The following ARHGAP15 variants were observed in gnomAD, a reference collection of about 807,000 sequenced individuals.
The protein encoded by ARHGAP15 is rho GTPase-activating protein 15.
A neutral mutation model predicts 63.7 loss-of-function variants in ARHGAP15; 51 were observed. The ratio of observed to expected loss-of-function variants is 0.80; its 90% CI spans 0.64 to 1.01. The LOEUF (loss-of-function observed/expected upper bound fraction) is 1.01, where lower values mean the gene tolerates loss of function less well. Ranked by LOEUF, ARHGAP15 falls within the 50% of genes least tolerant of loss-of-function variation. The probability of loss-of-function intolerance (pLI) is 0.00; values close to 1 mark genes in which losing one functional copy is unlikely to be tolerated. For missense variants in ARHGAP15, 560 were observed against 564.6 expected (o/e 0.99, Z 0.08); for synonymous variants, 191 against 193.8 (o/e 0.99, Z 0.12).
chr2:143,394,684 A>C (rs965223079), intron 6 of ARHGAP15, among the ~76,000 whole-genome samples: 1 of 152,162 alleles, frequency 6.6e-6, no homozygotes, highest in Non-Finnish European at 1.5e-5. Context: ...TCTTTTTTTA[A>C]ATCCTAGTTG....
chr2:143,250,363 T>G (rs1273689106), intron 5 of ARHGAP15, 148 bp from the exon 6 acceptor site: 8 of 484,170 alleles, frequency 1.7e-5, no homozygotes, highest in Non-Finnish European at 2.9e-5. Flanking sequence ...CAAATGAAAA[T>G]TCCTACAAAT....
At position 143,231,016 on chromosome 2, in the gene ARHGAP15, G is replaced by A. The variant is rs114647768; in HGVS notation, c.384+2348G>A. ...AGTGTTAATGCAGCAGTGAGACAAG[G>A]CAACAAAACCAGCCAGAGCAGTTTT... On this transcript the variant is annotated intron_variant, in intron 5 of 13. Transcript: ENST00000295095. Among the ~76,000 whole-genome samples, 550 of 151,008 alleles carry A rather than the reference G, an allele frequency of 3.6e-3. 5 individuals are homozygous for A. The highest frequency in any genetic ancestry group is 0.013 in the African/African-American group (523 of 41,094).
intron 13 of ARHGAP15, among the ~76,000 whole-genome samples, chr2:143,715,164 T>G (rs1025809285): frequency 6.6e-6 from 1 of 152,238 alleles, no homozygotes; most frequent in South Asian, 2.1e-4. Flanking sequence ...AAAAGGTACT[T>G]CTTACATTGT....
chr2:143,410,914 T>A (rs1178650985), intron 6 of ARHGAP15, among the ~76,000 whole-genome samples: 1 of 151,292 alleles, frequency 6.6e-6, no homozygotes, highest in Admixed American at 6.6e-5. Flanking sequence ...AACGAAAATA[T>A]CGTAGGAGGC....
rs1324396493 is a variant in ARHGAP15 at position 143,718,361 on chromosome 2, C to T, written c.1244+14837C>T. Among the ~76,000 whole-genome samples, 7 of 152,088 alleles carry T rather than the reference C, an allele frequency of 4.6e-5. No individual in the cohort carries two copies. The East Asian group carries it at 1.2e-3, about 25-fold the overall frequency. ...AGGTTAGGGGCTGTCTTGGTCAGGC[C>T]ATTGGGAAAAATCTTTTTTGGAAGT... On this transcript the variant is annotated intron_variant, in intron 13 of 13. Transcript: ENST00000295095.
At chr2:143,493,313 G>GA (rs1404776977) in intron 9 of ARHGAP15, among the ~76,000 whole-genome samples, 12 of 152,066 alleles carry the variant, frequency 7.9e-5, no homozygotes, top group South Asian at 4.2e-4. Context: ...ACTAAATGGT[G>GA]AAAAAAACAA....
chr2:143,277,640 TGC>T (rs1681626554), intron 6 of ARHGAP15, among the ~76,000 whole-genome samples: 1 of 151,968 alleles, frequency 6.6e-6, no homozygotes, highest in Non-Finnish European at 1.5e-5. Context: ...ACCTACATGG[TGC>T]AATGGGGTCA....
At chr2:143,304,272 C>T (rs1683062737) in intron 6 of ARHGAP15, among the ~76,000 whole-genome samples, 1 of 152,038 alleles carries the variant, frequency 6.6e-6, no homozygotes, top group African/African-American at 2.4e-5. Flanking sequence ...TACTATGCAG[C>T]CATAAAAAAG....
chr2:143,134,740 G>T (rs1455627706), intron 1 of ARHGAP15, among the ~76,000 whole-genome samples: 4 of 150,408 alleles, frequency 2.7e-5, no homozygotes, highest in East Asian at 2.0e-4. Context: ...GTTCATGCCA[G>T]TCTCCTGCCT....
chr2:143,403,061 T>C (rs1041926533), intron 6 of ARHGAP15, among the ~76,000 whole-genome samples: 1 of 151,908 alleles, frequency 6.6e-6, no homozygotes, highest in Admixed American at 6.6e-5. Flanking sequence ...GCTATACAAG[T>C]ATAGCTATGT....
intron 13 of ARHGAP15, among the ~76,000 whole-genome samples, chr2:143,737,788 C>G (rs1685807911): frequency 6.6e-6 from 1 of 151,574 alleles, no homozygotes; most frequent in Non-Finnish European, 1.5e-5. Flanking sequence ...GGAGTTTTCA[C>G]TCTTGTTGCC....
intron 6 of ARHGAP15, among the ~76,000 whole-genome samples, chr2:143,296,805 T>C (rs1333370022): frequency 2.0e-5 from 3 of 151,954 alleles, no homozygotes; most frequent in Non-Finnish European, 2.9e-5. Flanking sequence ...ATAGTTATTC[T>C]TCCTGATCTT....
intron 6 of ARHGAP15, among the ~76,000 whole-genome samples, chr2:143,429,398 G>T (rs1294110783): frequency 6.6e-6 from 1 of 152,052 alleles, no homozygotes; most frequent in Non-Finnish European, 1.5e-5. Flanking sequence ...GGGTGTCAAA[G>T]TACAGCTCAA....
chr2:143,322,220 C>T (rs1684055414), intron 6 of ARHGAP15, among the ~76,000 whole-genome samples: 1 of 152,202 alleles, frequency 6.6e-6, no homozygotes, highest in Non-Finnish European at 1.5e-5. Context: ...GACTCCTAAG[C>T]AGTTTGTTTC....
chr2:143,288,445 G>A (rs928591438), intron 6 of ARHGAP15, among the ~76,000 whole-genome samples: 4 of 151,510 alleles, frequency 2.6e-5, no homozygotes, highest in African/African-American at 9.7e-5. Flanking sequence ...ATTCAAACTT[G>A]AAAAAAAATA....
At chr2:143,707,962 G>A (rs980324705) in intron 13 of ARHGAP15, among the ~76,000 whole-genome samples, 1 of 152,186 alleles carries the variant, frequency 6.6e-6, no homozygotes, top group Admixed American at 6.5e-5. Context: ...TCTTTGAGTT[G>A]TTGGATTGTG....
intron 13 of ARHGAP15, among the ~76,000 whole-genome samples, chr2:143,710,190 G>C (rs2381507): frequency 0.28 from 42,498 of 151,796 alleles, 6,641 homozygotes; most frequent in Non-Finnish European, 0.36. Context: ...TGTGGGACAC[G>C]GGTTGTGAGT....
chr2:143,334,055 A>G (rs1023206628), intron 6 of ARHGAP15, among the ~76,000 whole-genome samples: 2 of 152,316 alleles, frequency 1.3e-5, no homozygotes, highest in East Asian at 3.9e-4. Context: ...GTGACACCCT[A>G]AGTGTTCAGA....
At chr2:143,299,008 A>AT (rs946759362) in intron 6 of ARHGAP15, among the ~76,000 whole-genome samples, 12 of 151,844 alleles carry the variant, frequency 7.9e-5, no homozygotes, top group Admixed American at 6.6e-5. Context: ...TAAAATCCTT[A>AT]TTTTTTTAAC....
Sources: allele counts gnomAD v4.1 joint callset (sites outside exome capture counted in the v4.1 genomes callset), GRCh38; gene constraint gnomAD v4.1.1; transcripts MANE v1.5; gene names NCBI Gene and HGNC (gene_info 2026-07-23, HGNC 2026-07-21).